Variants in ST6GALNAC3 observed in about 807,000 individuals in gnomAD.
ST6GALNAC3 encodes the protein ST6 N-acetylgalactosaminide alpha-2,6-sialyltransferase 3, also known as alpha-N-acetylgalactosaminide alpha-2,6-sialyltransferase 3.
A neutral mutation model predicts 32.7 loss-of-function variants in ST6GALNAC3; 25 were observed. The ratio of observed to expected loss-of-function variants is 0.76; its 90% CI spans 0.56 to 1.07. ST6GALNAC3 has a LOEUF of 1.07. Among genes scored for constraint, ST6GALNAC3 ranks in the 50% least tolerant of loss-of-function variants. The pLI, the probability that ST6GALNAC3 is intolerant of heterozygous loss-of-function variation, is 0.00. For synonymous variants in ST6GALNAC3, 129 were observed against 133.1 expected, an observed-to-expected ratio of 0.97 and a Z score of 0.21; for missense variants, 355 against 382.4, an observed-to-expected ratio of 0.93 and a Z score of 0.60.
chr1:76,504,998 G>A (rs1169470355), intron 3 of ST6GALNAC3, among the ~76,000 whole-genome samples: 3 of 152,134 alleles, frequency 2.0e-5, no homozygotes, highest in African/African-American at 7.2e-5. Context: ...TGAGGAAATA[G>A]ATATCTTTCC....
intron 1 of ST6GALNAC3, among the ~76,000 whole-genome samples, chr1:76,261,456 G>A (rs1038198122): frequency 1.1e-4 from 16 of 152,174 alleles, no homozygotes; most frequent in African/African-American, 2.4e-4. Context: ...ACACAAGCCC[G>A]GAGTTGAGCT....
intron 1 of ST6GALNAC3, among the ~76,000 whole-genome samples, chr1:76,126,919 C>T (rs1649294189): frequency 6.6e-6 from 1 of 152,202 alleles, no homozygotes; most frequent in African/African-American, 2.4e-5. Context: ...TCTCAGCCTT[C>T]TTGAGTCCAG....
chr1:76,115,331 C>G (rs1009665982), intron 1 of ST6GALNAC3, among the ~76,000 whole-genome samples: 10 of 151,168 alleles, frequency 6.6e-5, no homozygotes, highest in African/African-American at 1.2e-4. Context: ...CCCTCAACAC[C>G]TGGTATGATT....
intron 1 of ST6GALNAC3, among the ~76,000 whole-genome samples, chr1:76,173,392 A>G (rs958834621): frequency 1.3e-5 from 2 of 152,166 alleles, no homozygotes; most frequent in African/African-American, 2.4e-5. Flanking sequence ...CTAGAAGAAA[A>G]CCTAGGCAGT....
chr1:76,281,818 T>C (rs181078203), intron 1 of ST6GALNAC3, among the ~76,000 whole-genome samples: 20 of 152,312 alleles, frequency 1.3e-4, no homozygotes, highest in African/African-American at 4.3e-4. Context: ...TTCATTATTA[T>C]TTAAGATTAT....
chr1:76,140,797 AT>A (rs3042284), intron 1 of ST6GALNAC3, among the ~76,000 whole-genome samples: 2,189 of 120,380 alleles, frequency 0.018, 32 homozygotes, highest in African/African-American at 0.052. Context: ...TAATTTTCTA[AT>A]TTTTTTTTTT....
At chr1:76,537,846 T>A (rs547654994) in intron 3 of ST6GALNAC3, among the ~76,000 whole-genome samples, 2 of 152,080 alleles carry the variant, frequency 1.3e-5, no homozygotes, top group East Asian at 3.9e-4. Flanking sequence ...AATAGACCAA[T>A]TACAAGTTCT....
intron 1 of ST6GALNAC3, among the ~76,000 whole-genome samples, chr1:76,251,434 G>A (rs1657610539): frequency 1.3e-5 from 2 of 152,068 alleles, no homozygotes; most frequent in African/African-American, 4.8e-5. Flanking sequence ...TCTTTGAGCT[G>A]CTTTTGTAGA....
chr1:76,415,982 C>T (rs1310083355), intron 3 of ST6GALNAC3, among the ~76,000 whole-genome samples: 1 of 151,632 alleles, frequency 6.6e-6, no homozygotes, highest in Non-Finnish European at 1.5e-5. Context: ...ACCATGCTGA[C>T]AATCACAGGT....
At chr1:76,199,729 A>G (rs1570407948) in intron 1 of ST6GALNAC3, among the ~76,000 whole-genome samples, 1 of 152,348 alleles carries the variant, frequency 6.6e-6, no homozygotes. Context: ...CTTGGATTTC[A>G]TGCTTAAAAA....
At chr1:76,553,211 A>G (rs1414744524) in intron 3 of ST6GALNAC3, among the ~76,000 whole-genome samples, 2 of 152,334 alleles carry the variant, frequency 1.3e-5, no homozygotes, top group South Asian at 2.1e-4. Context: ...TGTAGGTACC[A>G]TTCCTTTATC....
chr1:76,121,583 A>AT (rs2100837040), intron 1 of ST6GALNAC3, among the ~76,000 whole-genome samples: 1 of 152,168 alleles, frequency 6.6e-6, no homozygotes, highest in African/African-American at 2.4e-5. Context: ...GGGCATGGTG[A>AT]TGGGTGCCTG....
At chr1:76,284,261 T>C (rs983653956) in intron 1 of ST6GALNAC3, among the ~76,000 whole-genome samples, 2 of 151,688 alleles carry the variant, frequency 1.3e-5, no homozygotes, top group Non-Finnish European at 2.9e-5. Flanking sequence ...TAAAAGAAAA[T>C]AGGAAGAGTA....
intron 2 of ST6GALNAC3, among the ~76,000 whole-genome samples, chr1:76,315,358 C>A (rs1224986221): frequency 6.6e-6 from 1 of 152,180 alleles, no homozygotes; most frequent in East Asian, 1.9e-4. Flanking sequence ...GAAAATGAAA[C>A]ATGTGACTAA....
At chr1:76,322,859 G>A (rs1646995616) in intron 2 of ST6GALNAC3, among the ~76,000 whole-genome samples, 1 of 135,190 alleles carries the variant, frequency 7.4e-6, no homozygotes, top group Non-Finnish European at 1.5e-5. Context: ...TTCATTTATT[G>A]ACATGGAGTC....
intron 3 of ST6GALNAC3, among the ~76,000 whole-genome samples, chr1:76,532,207 C>T (rs1242733659): frequency 2.0e-5 from 3 of 152,134 alleles, no homozygotes; most frequent in Non-Finnish European, 2.9e-5. Flanking sequence ...AAACTTGAGC[C>T]TGCCATTTTC....
intron 2 of ST6GALNAC3, among the ~76,000 whole-genome samples, chr1:76,394,315 G>A (rs1447202153): frequency 6.6e-6 from 1 of 152,162 alleles, no homozygotes; most frequent in Non-Finnish European, 1.5e-5. Flanking sequence ...TTAAGTCTTT[G>A]AGATGAGATG....
intron 1 of ST6GALNAC3, among the ~76,000 whole-genome samples, chr1:76,084,652 C>T (rs918166522): frequency 6.6e-6 from 1 of 152,170 alleles, no homozygotes; most frequent in African/African-American, 2.4e-5. Context: ...TTTCTGTGTG[C>T]ATAAATTCAG....
chr1:76,564,681 G>A (rs904908848), intron 3 of ST6GALNAC3, among the ~76,000 whole-genome samples: 3 of 150,438 alleles, frequency 2.0e-5, no homozygotes, highest in African/African-American at 4.9e-5. Context: ...CGCCTCCCGG[G>A]TTCACGCCAT....
Sources: allele counts gnomAD v4.1 joint callset (sites outside exome capture counted in the v4.1 genomes callset), GRCh38; gene constraint gnomAD v4.1.1; transcripts MANE v1.5; gene names NCBI Gene and HGNC (gene_info 2026-07-23, HGNC 2026-07-21).